Variants in DLG2 observed in about 807,000 individuals in gnomAD.
DLG2 encodes the protein discs large MAGUK scaffold protein 2.
Under a neutral mutation model 132.5 loss-of-function variants are expected in DLG2, and 45 were observed. The ratio of observed to expected loss-of-function variants is 0.34; its 90% confidence interval spans 0.27 to 0.44. The LOEUF is 0.44. Ranked by LOEUF, DLG2 falls within the 20% of genes least tolerant of loss-of-function variation. The pLI is 1.00. For missense variants in DLG2, 1,045 were observed against 1,196.9 expected (o/e 0.87, Z 1.87); for synonymous variants, 424 against 419.6 (o/e 1.01, Z -0.13).
intron 5 of DLG2, among the ~76,000 whole-genome samples, chr11:85,118,152 A>T (rs1332387200): frequency 6.6e-6 from 1 of 152,044 alleles, no homozygotes; most frequent in African/African-American, 2.4e-5. Flanking sequence ...GCTTCAAAAG[A>T]TGTTTAAAAT....
chr11:84,864,052 C>G (rs2084175488), intron 6 of DLG2, among the ~76,000 whole-genome samples: 2 of 152,134 alleles, frequency 1.3e-5, no homozygotes, highest in African/African-American at 4.8e-5. Flanking sequence ...ATACTTTATT[C>G]AAGACAGTGG....
At chr11:85,284,421 T>A (rs1182886316) in intron 4 of DLG2, among the ~76,000 whole-genome samples, 1 of 151,944 alleles carries the variant, frequency 6.6e-6, no homozygotes, top group Admixed American at 6.6e-5. Flanking sequence ...TGATTGGCAC[T>A]AGGATTCCAT....
chr11:84,956,311 A>G (rs971016505), intron 6 of DLG2, among the ~76,000 whole-genome samples: 6 of 152,216 alleles, frequency 3.9e-5, no homozygotes, highest in African/African-American at 1.4e-4. Context: ...GAAAGAAAAG[A>G]AGAAGGAAGC....
At chr11:83,640,145 C>A (rs1415232002) in intron 18 of DLG2, among the ~76,000 whole-genome samples, 2 of 152,142 alleles carry the variant, frequency 1.3e-5, no homozygotes, top group African/African-American at 2.4e-5. Flanking sequence ...CTCTGCACAT[C>A]CAAGCAACAG....
intron 6 of DLG2, among the ~76,000 whole-genome samples, chr11:84,582,966 A>T (rs1179617912): frequency 6.6e-6 from 1 of 152,214 alleles, no homozygotes; most frequent in African/African-American, 2.4e-5. Flanking sequence ...CTAATATCAG[A>T]TGCTGTCAAG....
At chr11:83,929,521 C>T (rs2079740344) in intron 15 of DLG2, among the ~76,000 whole-genome samples, 1 of 152,130 alleles carries the variant, frequency 6.6e-6, no homozygotes, top group Non-Finnish European at 1.5e-5. Context: ...CATATATAGG[C>T]TTTGGAATAC....
chr11:85,087,216 T>C (rs2068053290), intron 6 of DLG2, among the ~76,000 whole-genome samples: 1 of 151,954 alleles, frequency 6.6e-6, no homozygotes, highest in South Asian at 2.1e-4. Context: ...GCTAAGCAAA[T>C]AAAGGTACAA....
chr11:83,748,886 C>A (rs1459403366), intron 18 of DLG2, among the ~76,000 whole-genome samples: 1 of 152,076 alleles, frequency 6.6e-6, no homozygotes, highest in African/African-American at 2.4e-5. Flanking sequence ...GCTTTTTTTG[C>A]CATTTGAAAT....
At chr11:83,926,951 G>A (rs1166230668) in intron 15 of DLG2, among the ~76,000 whole-genome samples, 4 of 152,094 alleles carry the variant, frequency 2.6e-5, no homozygotes, top group African/African-American at 7.2e-5. Context: ...GAACTGACAG[G>A]TGCCTAATGG....
At chr11:85,618,461 C>T (rs1283882043) in intron 2 of DLG2, among the ~76,000 whole-genome samples, 2 of 152,136 alleles carry the variant, frequency 1.3e-5, no homozygotes, top group Non-Finnish European at 2.9e-5. Flanking sequence ...AACAGAATGC[C>T]TTAATCCAAC....
intron 4 of DLG2, among the ~76,000 whole-genome samples, chr11:85,209,799 G>A (rs962829895): frequency 2.0e-5 from 3 of 151,592 alleles, no homozygotes; most frequent in African/African-American, 7.3e-5. Context: ...TTTATAATCT[G>A]ACCTTCCAAT....
intron 8 of DLG2, among the ~76,000 whole-genome samples, chr11:84,198,006 C>CT: frequency 6.6e-6 from 1 of 152,238 alleles, no homozygotes; most frequent in South Asian, 2.1e-4. Flanking sequence ...TATTAAGATA[C>CT]TTTTCCCTCA....
intron 6 of DLG2, among the ~76,000 whole-genome samples, chr11:84,982,904 A>G (rs1231786588): frequency 6.6e-6 from 1 of 152,232 alleles, no homozygotes; most frequent in Non-Finnish European, 1.5e-5. Flanking sequence ...TAATTCTTGA[A>G]AAGTAAGAAT....
At chr11:85,466,081 T>C (rs1220368573) in intron 3 of DLG2, among the ~76,000 whole-genome samples, 3 of 152,254 alleles carry the variant, frequency 2.0e-5, no homozygotes, top group South Asian at 2.1e-4. Context: ...TTTTCATGTG[T>C]CTTTTGACTA....
chr11:84,437,136 GAC>G (rs1268540075), intron 7 of DLG2, among the ~76,000 whole-genome samples: 7 of 152,292 alleles, frequency 4.6e-5, no homozygotes, highest in African/African-American at 1.7e-4. Flanking sequence ...TCTCTGTGAA[GAC>G]ACTGTATCAG....
At chr11:83,566,880 A>C (rs1034590074) in intron 19 of DLG2, among the ~76,000 whole-genome samples, 8 of 152,170 alleles carry the variant, frequency 5.3e-5, no homozygotes, top group African/African-American at 1.7e-4. Flanking sequence ...AGAGTAAATA[A>C]AATACTGTAT....
chr11:84,624,343 T>C (rs2099618673), intron 6 of DLG2, among the ~76,000 whole-genome samples: 1 of 152,186 alleles, frequency 6.6e-6, no homozygotes, highest in Non-Finnish European at 1.5e-5. Flanking sequence ...TTACAAGTAA[T>C]TCTAAAATGG....
intron 11 of DLG2, among the ~76,000 whole-genome samples, chr11:84,014,898 A>G (rs1304995923): frequency 6.6e-6 from 1 of 151,794 alleles, no homozygotes; most frequent in Admixed American, 6.6e-5. Context: ...TACACAGCAT[A>G]TCTCCACCCT....
At chr11:85,438,697 T>C (rs541735704) in intron 3 of DLG2, among the ~76,000 whole-genome samples, 2 of 152,312 alleles carry the variant, frequency 1.3e-5, no homozygotes, top group East Asian at 1.9e-4. Flanking sequence ...TGTACATGTA[T>C]ATCATGTGTA....
Sources: allele counts gnomAD v4.1 joint callset (sites outside exome capture counted in the v4.1 genomes callset), GRCh38; gene constraint gnomAD v4.1.1; transcripts MANE v1.5; gene names NCBI Gene and HGNC (gene_info 2026-07-23, HGNC 2026-07-21).